BMAL2: variants seen among roughly 807,000 people sequenced by gnomAD.
The protein encoded by BMAL2 is basic helix-loop-helix ARNT like 2.
chr12:27,340,647 T>G, the BMAL2 span, among the ~76,000 whole-genome samples: 2 of 152,160 alleles, frequency 1.3e-5, no homozygotes, highest in South Asian at 2.1e-4. Context: ...GTGAAGAATG[T>G]CATTGGTAGT....
chr12:27,352,845 A>G, the BMAL2 span, among the ~76,000 whole-genome samples: 6 of 152,228 alleles, frequency 3.9e-5, no homozygotes, highest in Non-Finnish European at 7.3e-5. Flanking sequence ...AGCCGTTAAA[A>G]TAATACCTAG....
the BMAL2 span, among the ~76,000 whole-genome samples, chr12:27,336,947 C>CA: frequency 0.061 from 4,419 of 72,730 alleles, 218 homozygotes; most frequent in African/African-American, 0.15. Flanking sequence ...GAGACTGTCT[C>CA]AAAAAAAAAA....
At chr12:27,370,082 C>G in the BMAL2 span, 1 of 1,419,916 alleles carries the variant, frequency 7.0e-7, no homozygotes, top group East Asian at 2.3e-5. Flanking sequence ...GCTGTCCATT[C>G]CCAGAACATC....
At chr12:27,355,162 C>T in the BMAL2 span, among the ~76,000 whole-genome samples, 1 of 152,138 alleles carries the variant, frequency 6.6e-6, no homozygotes, top group East Asian at 1.9e-4. Context: ...ATTGCACTCT[C>T]ATCTCATACC....
chr12:27,377,323 A>G, the BMAL2 span: 1 of 152,228 alleles, frequency 6.6e-6, no homozygotes, highest in Non-Finnish European at 1.5e-5. Flanking sequence ...TCTTTCAAGT[A>G]AAGTACTTTA....
chr12:27,371,861 G>T, the BMAL2 span, among the ~76,000 whole-genome samples: 3 of 152,090 alleles, frequency 2.0e-5, no homozygotes, highest in Non-Finnish European at 4.4e-5. Context: ...CCCCAAAGAA[G>T]AACTCTGTGT....
chr12:27,377,140 A>G, the BMAL2 span, among the ~76,000 whole-genome samples: 1 of 151,712 alleles, frequency 6.6e-6, no homozygotes, highest in South Asian at 2.1e-4. Flanking sequence ...CTTTTTCTCC[A>G]CTTATTTTGT....
chr12:27,391,373 C>T, the BMAL2 span, among the ~76,000 whole-genome samples: 13 of 152,310 alleles, frequency 8.5e-5, no homozygotes, highest in African/African-American at 2.9e-4. Context: ...GACATGATTT[C>T]ATTCTTTTTT....
At chr12:27,352,991 T>C in the BMAL2 span, among the ~76,000 whole-genome samples, 2 of 152,212 alleles carry the variant, frequency 1.3e-5, no homozygotes, top group Non-Finnish European at 1.5e-5. Context: ...ATTGTTAAAA[T>C]GGCTATACTG....
chr12:27,375,988 C>T, the BMAL2 span, among the ~76,000 whole-genome samples: 2 of 152,120 alleles, frequency 1.3e-5, no homozygotes, highest in Non-Finnish European at 2.9e-5. Flanking sequence ...TTTGGTTAAG[C>T]CATCAATGAT....
At chr12:27,345,010 T>C in the BMAL2 span, among the ~76,000 whole-genome samples, 3 of 152,350 alleles carry the variant, frequency 2.0e-5, no homozygotes, top group Non-Finnish European at 2.9e-5. Flanking sequence ...TCTTGGTCAT[T>C]CCTGTTCATG....
chr12:27,345,903 T>C, the BMAL2 span, among the ~76,000 whole-genome samples: 1 of 152,216 alleles, frequency 6.6e-6, no homozygotes, highest in Non-Finnish European at 1.5e-5. Context: ...TTTTTAGTAA[T>C]TTTTATCTTT....
At chr12:27,360,803 C>CA in the BMAL2 span, among the ~76,000 whole-genome samples, 68 of 46,788 alleles carry the variant, frequency 1.5e-3, 1 homozygote, top group South Asian at 3.7e-3. Flanking sequence ...GTGATTTGTC[C>CA]AAAAAAAAAA....
At chr12:27,347,379 C>T in the BMAL2 span, among the ~76,000 whole-genome samples, 18 of 152,278 alleles carry the variant, frequency 1.2e-4, no homozygotes, top group Non-Finnish European at 1.9e-4. Context: ...CATTCAAAGC[C>T]TTTGATTAAT....
At chr12:27,367,323 G>A in the BMAL2 span, among the ~76,000 whole-genome samples, 1 of 152,158 alleles carries the variant, frequency 6.6e-6, no homozygotes, top group Non-Finnish European at 1.5e-5. Context: ...ATTTCATCCT[G>A]CTACTCAGAA....
chr12:27,380,356 A>C, the BMAL2 span: 1 of 1,614,196 alleles, frequency 6.2e-7, no homozygotes, highest in Non-Finnish European at 8.5e-7. Flanking sequence ...TAAACTGGAC[A>C]AACTTACAGT....
chr12:27,357,318 AAG>A, the BMAL2 span, among the ~76,000 whole-genome samples: 1 of 152,230 alleles, frequency 6.6e-6, no homozygotes, highest in East Asian at 1.9e-4. Context: ...AAGGAGATAA[AAG>A]ACCTCTACAA....
the BMAL2 span, chr12:27,332,844 G>A: frequency 1.7e-5 from 3 of 177,448 alleles, no homozygotes; most frequent in Non-Finnish European, 3.5e-5. Context: ...CCAGAGCGGC[G>A]GGCGGCTGGC....
At chr12:27,377,420 C>T in the BMAL2 span, 1 of 152,248 alleles carries the variant, frequency 6.6e-6, no homozygotes, top group African/African-American at 2.4e-5. Flanking sequence ...TTTCTCCCAC[C>T]CTGCTCTCAT....
Sources: gnomAD v4.1 joint callset for allele counts (sites outside exome capture counted in the v4.1 genomes callset) on GRCh38, gnomAD v4.1.1 for gene constraint, MANE v1.5 for transcripts, NCBI Gene and HGNC (gene_info 2026-07-23, HGNC 2026-07-21) for gene names.